Variants in SHISA9 observed in about 807,000 individuals in gnomAD.
SHISA9 encodes shisa family member 9.
A neutral mutation model predicts 38.0 loss-of-function variants in SHISA9; 13 were observed. The ratio of observed to expected loss-of-function variants is 0.34; its 90% CI spans 0.22 to 0.54. SHISA9 has a LOEUF of 0.54. SHISA9 is among the 20% of genes least tolerant of loss of function. The pLI is 0.91. For missense variants in SHISA9, 538 were observed against 575.8 expected (o/e 0.93, Z 0.67); for synonymous variants, 275 against 242.0 (o/e 1.14, Z -1.27).
At chr16:13,542,424 T>A in the SHISA9 span, among the ~76,000 whole-genome samples, 1 of 151,906 alleles carries the variant, frequency 6.6e-6, no homozygotes, top group Non-Finnish European at 1.5e-5. Flanking sequence ...ACAGATAACA[T>A]CGTGTTCATT....
chr16:13,264,170 C>CTT, the SHISA9 span, among the ~76,000 whole-genome samples: 218 of 124,316 alleles, frequency 1.8e-3, 2 homozygotes, highest in African/African-American at 3.8e-3. Flanking sequence ...TGTTTTAAAT[C>CTT]TTTTTTTTTT....
At chr16:13,274,354 CT>C in the SHISA9 span, among the ~76,000 whole-genome samples, 1 of 152,040 alleles carries the variant, frequency 6.6e-6, no homozygotes, top group African/African-American at 2.4e-5. Flanking sequence ...TTAGCATCAG[CT>C]TTTATGGTGT....
chr16:13,235,016 G>C lies in SHISA9; in HGVS notation c.896-14G>C. 6.6e-7 allele frequency: 1 copy of C among 1,521,382 alleles called. No individual in the cohort carries two copies. Among genetic ancestry groups the C allele is most frequent in the Non-Finnish European group, 8.9e-7 (1 of 1,128,670 alleles). 94.2% of individuals were successfully genotyped at this position (1,521,382 alleles called of 1,614,324 possible). ...CTTTCTTCCCCTTCTTCATCCACCC[G>C]TTCCGATGTGTAGCTGACAAGGTCA... On this transcript the variant is annotated splice_polypyrimidine_tract_variant and intron_variant, in intron 4 of 4. Coordinates refer to ENST00000558583, the MANE Select transcript of SHISA9 (RefSeq NM_001145204.3).
the SHISA9 span, among the ~76,000 whole-genome samples, chr16:13,499,842 G>C: frequency 2.0e-5 from 3 of 152,132 alleles, no homozygotes; most frequent in African/African-American, 7.2e-5. Flanking sequence ...TCCTTGCGCA[G>C]GGGCAGTGCA....
chr16:13,346,543 G>A, the SHISA9 span, among the ~76,000 whole-genome samples: 2 of 152,188 alleles, frequency 1.3e-5, no homozygotes, highest in Non-Finnish European at 2.9e-5. Context: ...CACAAAGGAT[G>A]TCAAGAACAA....
At chr16:13,551,852 C>A in the SHISA9 span, among the ~76,000 whole-genome samples, 1 of 152,088 alleles carries the variant, frequency 6.6e-6, no homozygotes, top group Non-Finnish European at 1.5e-5. Context: ...CATGGTGAAA[C>A]CCCGTCTCTA....
chr16:13,437,926 C>T, the SHISA9 span, among the ~76,000 whole-genome samples: 2 of 79,396 alleles, frequency 2.5e-5, no homozygotes, highest in African/African-American at 3.4e-5. Flanking sequence ...AGTGCAGTGA[C>T]GTGATCTCAG....
At chr16:13,142,742 G>A (rs1329129889) in intron 2 of SHISA9, among the ~76,000 whole-genome samples, 1 of 152,008 alleles carries the variant, frequency 6.6e-6, no homozygotes, top group African/African-American at 2.4e-5. Context: ...TCACAGAGTG[G>A]GGGGGATGTT....
At chr16:13,273,671 C>T in the SHISA9 span, among the ~76,000 whole-genome samples, 3 of 152,206 alleles carry the variant, frequency 2.0e-5, no homozygotes, top group African/African-American at 4.8e-5. Flanking sequence ...TAATACAACT[C>T]GCTAGAATCA....
At chr16:13,107,472 G>GACACAC (rs34291803) in intron 2 of SHISA9, among the ~76,000 whole-genome samples, 1,692 of 144,392 alleles carry the variant, frequency 0.012, 17 homozygotes, top group Middle Eastern at 0.031. Context: ...AAAAACAACA[G>GACACAC]ACACACACAC....
intron 2 of SHISA9, among the ~76,000 whole-genome samples, chr16:12,945,919 G>C (rs2071683058): frequency 6.6e-6 from 1 of 152,184 alleles, no homozygotes; most frequent in African/African-American, 2.4e-5. Context: ...TTTGAGACTA[G>C]CCTGGCCAAC....
intron 2 of SHISA9, among the ~76,000 whole-genome samples, chr16:13,178,974 C>G (rs559134048): frequency 2.6e-5 from 4 of 152,130 alleles, no homozygotes; most frequent in Admixed American, 6.5e-5. Context: ...ATCTCAAAAT[C>G]ATTGAGTTGT....
chr16:13,059,342 T>C (rs1166548248), intron 2 of SHISA9, among the ~76,000 whole-genome samples: 1 of 152,070 alleles, frequency 6.6e-6, no homozygotes, highest in Non-Finnish European at 1.5e-5. Context: ...TTAGCCAGGA[T>C]GGTCTCAATC....
chr16:12,994,103 C>T (rs527838215), intron 2 of SHISA9, among the ~76,000 whole-genome samples: 8 of 152,172 alleles, frequency 5.3e-5, no homozygotes, highest in Non-Finnish European at 1.5e-5. Flanking sequence ...GAATTTGGGT[C>T]TTTCCTGAGT....
chr16:13,076,072 C>T (rs1170401338), intron 2 of SHISA9, among the ~76,000 whole-genome samples: 1 of 150,296 alleles, frequency 6.7e-6, no homozygotes, highest in Admixed American at 6.7e-5. Flanking sequence ...GCTCTGTCAC[C>T]TAGGCTGGAG....
At chr16:13,218,384 T>C (rs2051191532) in intron 4 of SHISA9, among the ~76,000 whole-genome samples, 1 of 152,208 alleles carries the variant, frequency 6.6e-6, no homozygotes, top group African/African-American at 2.4e-5. Flanking sequence ...CCACCCTAGA[T>C]GCAATCGCAG....
At chr16:12,916,648 G>T (rs905152894) in intron 1 of SHISA9, 40 bp from the exon 2 acceptor site, 1 of 1,538,698 alleles carries the variant, frequency 6.5e-7, no homozygotes, top group Non-Finnish European at 8.8e-7. Context: ...GCCAGTCATT[G>T]TGTTTTGAAT....
At chr16:13,139,536 C>G (rs1213637886) in intron 2 of SHISA9, among the ~76,000 whole-genome samples, 1 of 151,332 alleles carries the variant, frequency 6.6e-6, no homozygotes, top group Non-Finnish European at 1.5e-5. Flanking sequence ...AAAGTAGAAC[C>G]ACTCCCTTAA....
At chr16:12,965,057 A>G (rs967046537) in intron 2 of SHISA9, among the ~76,000 whole-genome samples, 1 of 151,992 alleles carries the variant, frequency 6.6e-6, no homozygotes, top group Non-Finnish European at 1.5e-5. Context: ...ACACATACAT[A>G]TATATATGTA....
Sources: allele counts gnomAD v4.1 joint callset (sites outside exome capture counted in the v4.1 genomes callset), GRCh38; gene constraint gnomAD v4.1.1; transcripts MANE v1.5; gene names NCBI Gene and HGNC (gene_info 2026-07-23, HGNC 2026-07-21).